ANKRD11: variants seen among roughly 807,000 people sequenced by gnomAD.
ANKRD11 encodes the protein ankyrin repeat domain 11.
A neutral mutation model predicts 195.7 loss-of-function variants in ANKRD11; 17 were observed. The observed-to-expected ratio is 0.09, with a 90% confidence interval of 0.06 to 0.13. The LOEUF (loss-of-function observed/expected upper bound fraction) is 0.13. Among genes scored for constraint, ANKRD11 ranks in the 10% least tolerant of loss-of-function variants. The probability of loss-of-function intolerance (pLI) is 1.00; values close to 1 mark genes in which losing one functional copy is unlikely to be tolerated. For synonymous variants in ANKRD11, 1,953 were observed against 1,528.1 expected (o/e 1.28, Z -6.49); for missense variants, 3,735 against 3,566.1 (o/e 1.05, Z -1.21).
chr16:89,374,630 G>A (rs796562722), intron 2 of ANKRD11, among the ~76,000 whole-genome samples: 24 of 152,274 alleles, frequency 1.6e-4, no homozygotes, highest in African/African-American at 5.5e-4. Flanking sequence ...ACAGCTGCTC[G>A]GGCCATCTCC....
chr16:89,289,957 G>A (rs1487330781), intron 6 of ANKRD11, among the ~76,000 whole-genome samples: 1 of 152,222 alleles, frequency 6.6e-6, no homozygotes, highest in African/African-American at 2.4e-5. Context: ...TTGAGCCCAG[G>A]AGTTCAAAGC....
At chr16:89,443,765 G>A (rs1353609986) in intron 1 of ANKRD11, among the ~76,000 whole-genome samples, 3 of 152,228 alleles carry the variant, frequency 2.0e-5, no homozygotes, top group Non-Finnish European at 4.4e-5. Context: ...TTGAATAGGG[G>A]TGAACAGTGA....
chr16:89,268,484 C>T lies in ANKRD11; in HGVS notation c.7986G>A (p.Pro2662=), dbSNP rs753292031. The change falls in exon 13 of 13, where the codon CCG becomes CCA. Residue 2662 remains proline, a synonymous_variant. Transcript: ENST00000301030. Reference sequence around the variant, plus strand: ...CTGCGGCCGTCCCGCGGTGTCATGCCGGCAACAATACAAAGTCGTCGTTGA... The same window carrying T: ...CTGCGGCCGTCCCGCGGTGTCATGCTGGCAACAATACAAAGTCGTCGTTGA... ...VDVNDDFVLL[P]A is the part of the protein sequence containing the mutation. The T allele has an allele frequency of 1.0e-5, 13 of 1,305,072 alleles. No individual in the cohort carries two copies. The Admixed American group carries it at 1.2e-4, about 12-fold the overall frequency. 80.8% of individuals were successfully genotyped at this position (1,305,072 alleles called of 1,614,324 possible).
intron 2 of ANKRD11, among the ~76,000 whole-genome samples, chr16:89,367,448 C>T (rs903121107): frequency 1.3e-5 from 2 of 152,146 alleles, no homozygotes; most frequent in African/African-American, 2.4e-5. Context: ...CTCAAACGAC[C>T]GGGAGTCTCA....
intron 2 of ANKRD11, 36 bp from the exon 3 acceptor site, chr16:89,317,114 G>A (rs1304596478): frequency 7.2e-7 from 1 of 1,385,708 alleles, no homozygotes; most frequent in Non-Finnish European, 9.9e-7. Context: ...ACTGAATTCA[G>A]AGGCAGCTCA....
chr16:89,401,942 G>A (rs1252116029), intron 2 of ANKRD11, among the ~76,000 whole-genome samples: 3 of 125,782 alleles, frequency 2.4e-5, no homozygotes, highest in South Asian at 2.6e-4. Flanking sequence ...GCAGATGCCC[G>A]CCCCCACCCC....
At chr16:89,286,943 C>G (rs2034689845) in intron 7 of ANKRD11, 1 of 1,289,622 alleles carries the variant, frequency 7.8e-7, no homozygotes, top group South Asian at 1.2e-5. Context: ...TTGTCGCCCA[C>G]AGAATCAGTT....
intron 3 of ANKRD11, among the ~76,000 whole-genome samples, chr16:89,305,871 A>G (rs76342714): frequency 0.54 from 8,762 of 16,188 alleles, 3,142 homozygotes; most frequent in Non-Finnish European, 0.64. Context: ...GCAGACACGC[A>G]CCACCCACCT....
chr16:89,292,987 G>A (rs1426412302), intron 4 of ANKRD11, among the ~76,000 whole-genome samples: 3 of 152,180 alleles, frequency 2.0e-5, no homozygotes, highest in Non-Finnish European at 1.5e-5. Flanking sequence ...AAGAGGCGAC[G>A]AAGCTGCTGG....
At chr16:89,350,652 T>C (rs529150185) in intron 2 of ANKRD11, among the ~76,000 whole-genome samples, 12 of 152,332 alleles carry the variant, frequency 7.9e-5, no homozygotes, top group African/African-American at 2.4e-4. Flanking sequence ...GATGACATGC[T>C]GCTGCAAAGA....
chr16:89,320,456 T>A (rs2037238229), intron 2 of ANKRD11: 1 of 152,260 alleles, frequency 6.6e-6, no homozygotes, highest in South Asian at 2.1e-4. Flanking sequence ...CGCCCTGTGC[T>A]GAGCGGCAAG....
intron 2 of ANKRD11, among the ~76,000 whole-genome samples, chr16:89,374,399 T>C (rs766902817): frequency 6.6e-6 from 1 of 152,128 alleles, no homozygotes; most frequent in Non-Finnish European, 1.5e-5. Flanking sequence ...TGACTACTTC[T>C]GTTCTACATG....
chr16:89,457,966 T>G (rs1358920860), intron 1 of ANKRD11, among the ~76,000 whole-genome samples: 1 of 152,140 alleles, frequency 6.6e-6, no homozygotes, highest in Non-Finnish European at 1.5e-5. Context: ...CGCAATGACT[T>G]GCTCCCAAAG....
chr16:89,490,399 A>T lies in ANKRD11; in HGVS notation c.-299T>A, dbSNP rs1240478631. 5.9e-5 allele frequency: 14 copies of T among 236,742 alleles called. No individual in the cohort carries two copies. Among genetic ancestry groups the T allele is most frequent in the Non-Finnish European group, 1.6e-5 (2 of 123,986 alleles). The allele number at this position is 236,742 out of a possible 1,614,324, so 14.7% of individuals were successfully genotyped here. ...CTCGGGCCCGGCAGAGCTGCGAGGG[A>T]CGGCGGGAGGCGAGCCCGCCCCTCG... is the stretch of plus-strand genomic sequence containing the variant. On this transcript the variant is annotated 5_prime_UTR_variant, in exon 1 of 13. Transcript: ENST00000301030.
At chr16:89,286,280 G>C in intron 7 of ANKRD11, 94 bp from the exon 8 acceptor site, 1 of 1,556,962 alleles carries the variant, frequency 6.4e-7, no homozygotes, top group Non-Finnish European at 8.7e-7. Flanking sequence ...GAGAACCCTG[G>C]GGTTCGACCC....
Position 89,279,502 on chromosome 16 carries a change from T to G in ANKRD11, c.7040A>C (p.Gln2347Pro). The stretch of plus-strand genomic sequence containing the variant: ...GGAGGGGGGCGGGCCCTGCTTGCTC[T>G]GGTTCGCGAGCATCTGCGCCCGGTT... ...TRNRAQMLAN[Q>P]SKQGPPPSEK... Residue 2347 changes from glutamine to proline, a missense_variant, in exon 9 of 13, where the codon CAG becomes CCG. Transcript: ENST00000301030. The surrounding 1 kb of genome is among the most constrained non-coding windows in gnomAD (Gnocchi z 5.6). The G allele has an allele frequency of 7.3e-7, 1 of 1,363,484 alleles. No homozygotes were observed. Among genetic ancestry groups the G allele is most frequent in the Non-Finnish European group, 1.0e-6 (1 of 1,001,356 alleles). The allele number at this position is 1,363,484 out of a possible 1,614,324, so 84.5% of individuals were successfully genotyped here.
chr16:89,469,878 G>C (rs902383205), intron 1 of ANKRD11, among the ~76,000 whole-genome samples: 1 of 146,838 alleles, frequency 6.8e-6, no homozygotes, highest in Non-Finnish European at 1.5e-5. Context: ...GTGAGGCTCC[G>C]TTTCAGAAAA....
intron 1 of ANKRD11, among the ~76,000 whole-genome samples, chr16:89,455,664 A>T (rs115343485): frequency 0.012 from 1,759 of 152,162 alleles, 36 homozygotes; most frequent in African/African-American, 0.039. Flanking sequence ...TGTGGAGAGG[A>T]ACTTACCTGC....
At chr16:89,339,681 G>A (rs2038562256) in intron 2 of ANKRD11, among the ~76,000 whole-genome samples, 2 of 152,210 alleles carry the variant, frequency 1.3e-5, no homozygotes. Flanking sequence ...AGAAAAGGAT[G>A]AAGGAGAATA....
Sources: allele counts gnomAD v4.1 joint callset (sites outside exome capture counted in the v4.1 genomes callset), GRCh38; gene constraint gnomAD v4.1.1; non-coding constraint Gnocchi (gnomAD v3.1); transcripts MANE v1.5; gene names NCBI Gene and HGNC (gene_info 2026-07-23, HGNC 2026-07-21).